LRRC4C: variants seen among roughly 807,000 people sequenced by gnomAD.
The protein encoded by LRRC4C is leucine rich repeat containing 4C.
In LRRC4C, 5 loss-of-function variants were observed where a neutral mutation model predicts 33.6. The observed-to-expected ratio is 0.15, with a 90% CI of 0.08 to 0.31. The LOEUF is 0.31. Ranked by LOEUF, LRRC4C falls within the 10% of genes least tolerant of loss-of-function variation. The pLI is 1.00. For missense variants in LRRC4C, 560 were observed against 796.7 expected, an observed-to-expected ratio of 0.70 and a Z score of 3.58; for synonymous variants, 329 against 302.0, an observed-to-expected ratio of 1.09 and a Z score of -0.93.
chr11:40,658,484 G>A (rs1456034583), intron 2 of LRRC4C, among the ~76,000 whole-genome samples: 1 of 152,170 alleles, frequency 6.6e-6, no homozygotes, highest in Non-Finnish European at 1.5e-5. Context: ...TAATTGTAAA[G>A]CTACCAAAGA....
chr11:40,880,987 G>T (rs1343976366), intron 2 of LRRC4C, among the ~76,000 whole-genome samples: 4 of 151,580 alleles, frequency 2.6e-5, no homozygotes, highest in Non-Finnish European at 5.9e-5. Context: ...CTTGCCCAAG[G>T]GCCAGAGAAT....
At chr11:40,186,095 T>C (rs140157159) in intron 5 of LRRC4C, among the ~76,000 whole-genome samples, 18 of 152,340 alleles carry the variant, frequency 1.2e-4, no homozygotes, top group African/African-American at 3.6e-4. Flanking sequence ...GGCACCTTGA[T>C]TGTTTCTTGT....
chr11:40,136,504 C>T (rs1381989355), intron 6 of LRRC4C, among the ~76,000 whole-genome samples: 1 of 151,304 alleles, frequency 6.6e-6, no homozygotes, highest in Non-Finnish European at 1.5e-5. Flanking sequence ...TCTCGATCTC[C>T]TGACCTCGTG....
intron 1 of LRRC4C, among the ~76,000 whole-genome samples, chr11:41,178,414 T>G (rs550485454): frequency 6.6e-6 from 1 of 152,160 alleles, no homozygotes; most frequent in Non-Finnish European, 1.5e-5. Context: ...GGCGTGATCA[T>G]GTAATCATAG....
intron 1 of LRRC4C, among the ~76,000 whole-genome samples, chr11:40,954,976 C>T (rs771979707): frequency 4.6e-5 from 7 of 151,798 alleles, no homozygotes; most frequent in Non-Finnish European, 1.0e-4. Context: ...GCTTTTGTAT[C>T]TTCCCAATTC....
intron 2 of LRRC4C, among the ~76,000 whole-genome samples, chr11:40,813,082 T>C (rs1450328700): frequency 6.6e-6 from 1 of 152,196 alleles, no homozygotes; most frequent in Non-Finnish European, 1.5e-5. Flanking sequence ...AGGTTGAGTT[T>C]GCTCAGTATG....
At chr11:40,331,448 T>C (rs1946358452) in intron 3 of LRRC4C, among the ~76,000 whole-genome samples, 1 of 152,202 alleles carries the variant, frequency 6.6e-6, no homozygotes, top group South Asian at 2.1e-4. Flanking sequence ...ATGTGGCATA[T>C]ATACACAATG....
chr11:40,740,893 T>TC (rs1335617827), intron 2 of LRRC4C, among the ~76,000 whole-genome samples: 1 of 151,982 alleles, frequency 6.6e-6, no homozygotes, highest in Non-Finnish European at 1.5e-5. Flanking sequence ...GACTATACAT[T>TC]CCCCCCATTG....
chr11:40,586,502 T>G lies in LRRC4C; in HGVS notation c.-270+61640A>C, dbSNP rs1283390708. Among the ~76,000 whole-genome samples, 493 of 147,412 alleles carry G rather than the reference T, an allele frequency of 3.3e-3. 3 individuals are homozygous for G. The highest frequency in any genetic ancestry group is 0.012 in the African/African-American group (453 of 38,180). ...AATTAGATCCCATTTGTCAATTTTCTCTTTTGTTGCCATTGATTTTGGTGT... is the reference window on the plus strand; with the variant it reads ...AATTAGATCCCATTTGTCAATTTTCGCTTTTGTTGCCATTGATTTTGGTGT... On this transcript the variant is annotated intron_variant, in intron 3 of 6. Transcript: ENST00000528697.
chr11:40,204,675 T>G (rs1233402707), intron 5 of LRRC4C, among the ~76,000 whole-genome samples: 1 of 152,168 alleles, frequency 6.6e-6, no homozygotes, highest in Non-Finnish European at 1.5e-5. Flanking sequence ...TAAATACAGA[T>G]GGCTTATGAC....
chr11:41,368,272 ACT>A (rs1382352400), intron 1 of LRRC4C, among the ~76,000 whole-genome samples: 1 of 151,994 alleles, frequency 6.6e-6, no homozygotes, highest in Non-Finnish European at 1.5e-5. Context: ...TCTTTCTGTC[ACT>A]CTATCCTGAG....
chr11:40,989,666 G>T (rs1292220496), intron 1 of LRRC4C, among the ~76,000 whole-genome samples: 1 of 152,100 alleles, frequency 6.6e-6, no homozygotes, highest in Non-Finnish European at 1.5e-5. Context: ...TATCTGGGTT[G>T]ATTTTGTGGG....
intron 2 of LRRC4C, among the ~76,000 whole-genome samples, chr11:40,813,812 G>A (rs991951911): frequency 5.3e-5 from 8 of 152,036 alleles, no homozygotes; most frequent in African/African-American, 1.9e-4. Context: ...CCCCACACAA[G>A]TCCAAAATCA....
chr11:40,809,163 C>A (rs761671463), intron 2 of LRRC4C, among the ~76,000 whole-genome samples: 9 of 152,134 alleles, frequency 5.9e-5, no homozygotes, highest in Non-Finnish European at 1.3e-4. Flanking sequence ...TAAAACTTCT[C>A]AAAATAGTTT....
At chr11:40,961,194 G>T (rs541000431) in intron 1 of LRRC4C, among the ~76,000 whole-genome samples, 1 of 151,686 alleles carries the variant, frequency 6.6e-6, no homozygotes, top group South Asian at 2.1e-4. Context: ...AAATCCATGA[G>T]GCACTGAAAA....
intron 4 of LRRC4C, chr11:40,293,397 G>C (rs1476338951): frequency 6.6e-6 from 1 of 151,766 alleles, no homozygotes; most frequent in Non-Finnish European, 1.5e-5. Flanking sequence ...CTCCGCGGTC[G>C]GGGCCGGGAT....
At chr11:40,417,323 T>G (rs1193631331) in intron 3 of LRRC4C, among the ~76,000 whole-genome samples, 1 of 133,850 alleles carries the variant, frequency 7.5e-6, no homozygotes, top group African/African-American at 2.7e-5. Flanking sequence ...AGACATGATT[T>G]TTTTTTTATT....
At position 40,189,707 on chromosome 11, in the gene LRRC4C, C is replaced by T. The variant is rs574505810; in HGVS notation, c.-95-48854G>A. On this transcript the variant is annotated intron_variant, in intron 5 of 6. Transcript: ENST00000528697. ...TAAGTTTTATTTTACTTAAATAAGG[C>T]CTCTATGTGATCATTCGAATATATG... 2.0e-5 allele frequency among the ~76,000 whole-genome samples: 3 copies of T among 152,212 alleles called. No individual in the cohort carries two copies. The East Asian group carries it at 5.8e-4, about 29-fold the overall frequency.
rs181228418 is a variant in LRRC4C at position 41,262,151 on chromosome 11, G to C, written c.-496+197280C>G. Among the ~76,000 whole-genome samples, 322 of 151,912 alleles carry C rather than the reference G, an allele frequency of 2.1e-3. 1 individual carries two copies. Among genetic ancestry groups the C allele is most frequent in the African/African-American group, 7.6e-3 (316 of 41,454 alleles). On this transcript the variant is annotated intron_variant, in intron 1 of 6. Transcript: ENST00000528697. Reference sequence around the variant, plus strand: ...CACTATTTGACCTTTTAACCTAAAGGCTGGCATACTATGGTCTTTGAGCCA... The same window carrying C: ...CACTATTTGACCTTTTAACCTAAAGCCTGGCATACTATGGTCTTTGAGCCA...
Sources: allele counts gnomAD v4.1 joint callset (sites outside exome capture counted in the v4.1 genomes callset), GRCh38; gene constraint gnomAD v4.1.1; transcripts MANE v1.5; gene names NCBI Gene and HGNC (gene_info 2026-07-23, HGNC 2026-07-21).